Variants in PSPH observed in about 807,000 individuals in gnomAD.
The protein encoded by PSPH is phosphoserine phosphatase.
In PSPH, 16 loss-of-function variants were observed where a neutral mutation model predicts 23.4. That is an observed-to-expected ratio of 0.68 (90% CI 0.46 to 1.04). PSPH has a LOEUF of 1.04. PSPH is among the 50% of genes least tolerant of loss of function. The pLI is 0.00. For missense variants in PSPH, 223 were observed against 273.7 expected, an observed-to-expected ratio of 0.81 and a Z score of 1.31; for synonymous variants, 68 against 99.7, an observed-to-expected ratio of 0.68 and a Z score of 1.89.
At chr7:56,031,394 C>G (rs1029815402) in intron 3 of PSPH, among the ~76,000 whole-genome samples, 5 of 152,180 alleles carry the variant, frequency 3.3e-5, no homozygotes, top group Non-Finnish European at 7.3e-5. Flanking sequence ...TGTAACAAAC[C>G]TGCACATGTA....
chr7:56,019,515 T>G, intron 5 of PSPH, 85 bp downstream of exon 5: 1 of 1,559,870 alleles, frequency 6.4e-7, no homozygotes, highest in Non-Finnish European at 8.8e-7. Flanking sequence ...CAGAGGGCAC[T>G]CTAAAGGAAT....
chr7:56,029,848 G>C (rs1790705851), intron 3 of PSPH, among the ~76,000 whole-genome samples: 1 of 151,928 alleles, frequency 6.6e-6, no homozygotes, highest in Non-Finnish European at 1.5e-5. Context: ...CATTGAAAGA[G>C]TACAAAGTAT....
chr7:56,032,130 C>T (rs951985417), intron 2 of PSPH, 76 bp from the exon 3 acceptor site: 10 of 152,322 alleles, frequency 6.6e-5, no homozygotes, highest in African/African-American at 2.2e-4. Context: ...GCTTCACTCT[C>T]TCTCCTGGCG....
chr7:56,023,504 C>A (rs1789753495), intron 3 of PSPH, among the ~76,000 whole-genome samples: 1 of 151,930 alleles, frequency 6.6e-6, no homozygotes, highest in Admixed American at 6.6e-5. Context: ...CTCAAGCAAT[C>A]CTCCCACCTA....
intron 1 of PSPH, among the ~76,000 whole-genome samples, chr7:56,044,987 G>A (rs1793033191): frequency 6.6e-6 from 1 of 150,380 alleles, no homozygotes; most frequent in African/African-American, 2.5e-5. Context: ...CAGGACAATC[G>A]CTTGAACTCG....
chr7:56,011,604 AG>A lies in PSPH; in HGVS notation c.*157del. Reference sequence around the variant, plus strand: ...GAACTACAGTTAAAAAAAAAAAAAAAGCAATCTTCTAGGATTCCTAACTGTA... The same window carrying A: ...GAACTACAGTTAAAAAAAAAAAAAAACAATCTTCTAGGATTCCTAACTGTA... On this transcript the variant is annotated 3_prime_UTR_variant, in exon 8 of 8. Transcript: ENST00000275605. 33 of 569,508 alleles carry A rather than the reference AG, an allele frequency of 5.8e-5. No homozygotes were observed. The highest frequency in any genetic ancestry group is 1.4e-4 in the South Asian group (6 of 44,262). 35.3% of individuals were successfully genotyped at this position (569,508 alleles called of 1,614,324 possible). A position where few individuals can be genotyped will look rare whatever the true frequency, so the allele number is the denominator to read the frequency against.
chr7:56,018,963 C>G (rs1479792376), intron 5 of PSPH, among the ~76,000 whole-genome samples: 2 of 147,358 alleles, frequency 1.4e-5, no homozygotes, highest in Admixed American at 1.4e-4. Flanking sequence ...AAGTGAGACC[C>G]TGTCTCTCAA....
intron 1 of PSPH, among the ~76,000 whole-genome samples, chr7:56,049,116 AG>A (rs570637916): frequency 4.0e-5 from 6 of 150,688 alleles, no homozygotes; most frequent in African/African-American, 1.2e-4. Context: ...AGTAGAGACG[AG>A]GTTTCACCGT....
Position 56,019,959 on chromosome 7 carries a change from T to C in PSPH, c.141-225A>G, listed in dbSNP as rs11982472. Among the ~76,000 whole-genome samples, 1,006 of 152,208 alleles carry C rather than the reference T, an allele frequency of 6.6e-3. 2 individuals are homozygous for C. The highest frequency in any genetic ancestry group is 0.022 in the African/African-American group (910 of 41,534). On this transcript the variant is annotated intron_variant, in intron 4 of 7. Transcript: ENST00000275605. ...GGCTGGGTGCAGTGACTCATGCCCA[T>C]AATCCCAAACACTTTGGGAAGCTGA...
chr7:56,016,195 T>C (rs1429312195), intron 6 of PSPH, among the ~76,000 whole-genome samples: 3 of 151,350 alleles, frequency 2.0e-5, no homozygotes, highest in African/African-American at 4.8e-5. Flanking sequence ...GGCCAGGAGT[T>C]TGAGACCAGC....
intron 7 of PSPH, among the ~76,000 whole-genome samples, chr7:56,013,803 G>A (rs1039162304): frequency 6.6e-6 from 1 of 152,080 alleles, no homozygotes; most frequent in South Asian, 2.1e-4. Flanking sequence ...TATAATCTCT[G>A]CAAGCCTCAG....
At position 56,021,199 on chromosome 7, in the gene PSPH, G is replaced by T. The variant is rs775089205; in HGVS notation, c.14C>A (p.Ser5Ter). ...TGAGTAGAAAAGCTTCCTCAGCTCT[G>T]AGTGGGAGACCATCGCTGGAAGAAT... The part of the protein sequence containing the change: MVSH[S>*]ELRKLFYSAD... The change falls in exon 4 of 8, where the codon TCA (serine) becomes TAA (stop). Residue 5 changes from serine to a stop codon, truncating the protein, a stop_gained. Transcript: ENST00000275605. LOFTEE classifies it high-confidence loss of function. 1.9e-6 allele frequency: 3 copies of T among 1,614,170 alleles called. No homozygotes were observed. The highest frequency in any genetic ancestry group is 1.7e-5 in the Admixed American group (1 of 60,010).
rs2116735258 is a variant in PSPH, at chr7:56,023,609, C to T, written c.-19-2378G>A. On this transcript the variant is annotated intron_variant, in intron 3 of 7. Coordinates refer to ENST00000275605, the MANE Select transcript of PSPH (RefSeq NM_004577.4). ...GGACTAGAATTAGGATGAAAGGGAC[C>T]CTCAAGATTGCCTAGACCAGCCTCC... Among the ~76,000 whole-genome samples, 4 of 151,962 alleles carry T rather than the reference C, an allele frequency of 2.6e-5. 1 individual carries two copies. The Middle Eastern group carries it at 0.01, about 388-fold the overall frequency.
At chr7:56,019,199 T>C (rs1032870103) in intron 5 of PSPH, among the ~76,000 whole-genome samples, 3 of 152,120 alleles carry the variant, frequency 2.0e-5, no homozygotes, top group African/African-American at 7.2e-5. Flanking sequence ...CCCAGCACTT[T>C]GGGAGGCCCA....
chr7:56,012,779 G>C (rs1788055844), intron 7 of PSPH, among the ~76,000 whole-genome samples: 2 of 147,296 alleles, frequency 1.4e-5, no homozygotes, highest in African/African-American at 2.5e-5. Context: ...TATTTTTGTA[G>C]AGACGGGGTT....
At chr7:56,034,661 G>A (rs1441321780) in intron 1 of PSPH, among the ~76,000 whole-genome samples, 1 of 152,022 alleles carries the variant, frequency 6.6e-6, no homozygotes, top group East Asian at 1.9e-4. Context: ...GACTACGGGC[G>A]CCCGCCACCA....
At chr7:56,027,223 A>G in intron 3 of PSPH, among the ~76,000 whole-genome samples, 1 of 151,916 alleles carries the variant, frequency 6.6e-6, no homozygotes, top group East Asian at 1.9e-4. Context: ...AAAAAAAAAA[A>G]AAAAAGAAGA....
Position 56,015,190 on chromosome 7 carries a change from A to C in PSPH, c.422-19T>G, listed in dbSNP as rs771752418. 2 of 1,613,364 alleles carry C rather than the reference A, an allele frequency of 1.2e-6. No homozygotes were observed. Among genetic ancestry groups the C allele is most frequent in the South Asian group, 2.2e-5 (2 of 91,058 alleles). On this transcript the variant is annotated intron_variant, in intron 6 of 7. Transcript: ENST00000275605. ...TATTCACCTTAAAAGAGAAATAAAA[A>C]TAGGGTTAAAGACCCAGAGAAGTAT...
chr7:56,011,613 C>T lies in PSPH; in HGVS notation c.*149G>A. ...TTAAAAAAAAAAAAAAAGCAATCTTCTAGGATTCCTAACTGTAGTTTAAAG... is the reference window on the plus strand; with the variant it reads ...TTAAAAAAAAAAAAAAAGCAATCTTTTAGGATTCCTAACTGTAGTTTAAAG... On this transcript the variant is annotated 3_prime_UTR_variant, in exon 8 of 8. Coordinates refer to ENST00000275605, the MANE Select transcript of PSPH (RefSeq NM_004577.4). 1.9e-6 allele frequency: 1 copy of T among 530,280 alleles called. No individual in the cohort carries two copies. The allele number at this position is 530,280 out of a possible 1,614,324, so 32.8% of individuals were successfully genotyped here. A position where few individuals can be genotyped will look rare whatever the true frequency, so the allele number is the denominator to read the frequency against.
Sources: allele counts gnomAD v4.1 joint callset (sites outside exome capture counted in the v4.1 genomes callset), GRCh38; gene constraint gnomAD v4.1.1; transcripts MANE v1.5; gene names NCBI Gene and HGNC (gene_info 2026-07-23, HGNC 2026-07-21).